The following EGLN3 variants were observed in gnomAD, a reference collection of about 807,000 sequenced individuals.
The protein encoded by EGLN3 is prolyl hydroxylase EGLN3.
EGLN3 carries 15 observed loss-of-function variants against 26.0 expected under a neutral mutation model. The observed-to-expected ratio is 0.58, with a 90% CI of 0.39 to 0.89. The LOEUF (loss-of-function observed/expected upper bound fraction) is 0.89, where lower values mean the gene tolerates loss of function less well. Ranked by LOEUF, EGLN3 falls within the 40% of genes least tolerant of loss-of-function variation. The pLI is 0.00. For synonymous variants in EGLN3, 147 were observed against 127.2 expected (o/e 1.16, Z -1.05); for missense variants, 238 against 311.6 (o/e 0.76, Z 1.78).
intron 1 of EGLN3, among the ~76,000 whole-genome samples, chr14:33,947,355 G>A (rs12435737): frequency 0.22 from 32,720 of 151,946 alleles, 3,730 homozygotes; most frequent in South Asian, 0.32. Flanking sequence ...CAACACCCTT[G>A]GATTTTTCTC....
chr14:33,924,834 G>T lies in EGLN3; in HGVS notation c.*1057C>A. ...AGCTGAAGAAAGACTGCTAGGGACA[G>T]ACGAGAACTCAAATAGCTTTGAGAT... On this transcript the variant is annotated 3_prime_UTR_variant, in exon 5 of 5. Transcript: ENST00000250457. 6.7e-6 allele frequency: 1 copy of T among 149,806 alleles called. No homozygotes were observed. The highest frequency in any genetic ancestry group is 2.0e-4 in the East Asian group (1 of 5,060). 9.3% of individuals were successfully genotyped at this position (149,806 alleles called of 1,614,324 possible).
At position 33,942,413 on chromosome 14, in the gene EGLN3, T is replaced by C. The variant is rs1479946897; in HGVS notation, c.357+7983A>G. 2.0e-5 allele frequency among the ~76,000 whole-genome samples: 3 copies of C among 152,184 alleles called. No individual in the cohort carries two copies. In the South Asian group the frequency reaches 6.2e-4, roughly 32 times the overall value. On this transcript the variant is annotated intron_variant, in intron 1 of 4. Coordinates refer to ENST00000250457, the MANE Select transcript of EGLN3 (RefSeq NM_022073.4). ...TGCATGTTCTTGCCTGAATCTTCAA[T>C]ATTTTGTGTTTAAAAGGGGTTTTGT...
At chr14:33,947,406 T>G (rs903321306) in intron 1 of EGLN3, among the ~76,000 whole-genome samples, 16 of 152,168 alleles carry the variant, frequency 1.1e-4, no homozygotes, top group African/African-American at 3.9e-4. Flanking sequence ...ATTAACAACT[T>G]TCTTGGCAGG....
At chr14:33,945,399 G>A (rs77066467) in intron 1 of EGLN3, among the ~76,000 whole-genome samples, 1 of 152,190 alleles carries the variant, frequency 6.6e-6, no homozygotes, top group African/African-American at 2.4e-5. Context: ...GCCTCCCACT[G>A]TGCCAGACTA....
intron 1 of EGLN3, chr14:33,931,447 G>C: frequency 1.9e-6 from 1 of 517,612 alleles, no homozygotes; most frequent in Non-Finnish European, 3.4e-6. Context: ...TATTCCCACA[G>C]TTCTAGAACA....
At chr14:33,944,888 G>T (rs906715704) in intron 1 of EGLN3, among the ~76,000 whole-genome samples, 4 of 152,140 alleles carry the variant, frequency 2.6e-5, no homozygotes, top group Admixed American at 6.5e-5. Context: ...AGCAGATAAG[G>T]TTATAGTGAA....
At position 33,950,939 on chromosome 14, in the gene EGLN3, C is replaced by T. The variant is rs1336412054; in HGVS notation, c.-187G>A. 5 of 625,164 alleles carry T rather than the reference C, an allele frequency of 8.0e-6. No homozygotes were observed. In the Admixed American group the frequency reaches 1.5e-4, roughly 18 times the overall value. 38.7% of individuals were successfully genotyped at this position (625,164 alleles called of 1,614,324 possible). On this transcript the variant is annotated 5_prime_UTR_variant, in exon 1 of 5. Coordinates refer to ENST00000250457, the MANE Select transcript of EGLN3 (RefSeq NM_022073.4). ...TCTCGCAACTCTCGGGAGAAGGGAT[C>T]TGCCTTCGGGAACCAGCGGGAGTGG...
chr14:33,946,684 T>C (rs1291611243), intron 1 of EGLN3, among the ~76,000 whole-genome samples: 2 of 152,170 alleles, frequency 1.3e-5, no homozygotes, highest in South Asian at 2.1e-4. Context: ...GTTACACAAA[T>C]CTAGGTTAGG....
intron 1 of EGLN3, among the ~76,000 whole-genome samples, chr14:33,941,070 T>C (rs1450979465): frequency 6.6e-6 from 1 of 152,114 alleles, no homozygotes; most frequent in Non-Finnish European, 1.5e-5. Context: ...AGACATACAG[T>C]ATTATTGTGC....
At chr14:33,939,201 C>A (rs1430220735) in intron 1 of EGLN3, among the ~76,000 whole-genome samples, 1 of 142,572 alleles carries the variant, frequency 7.0e-6, no homozygotes, top group South Asian at 2.2e-4. Context: ...TGCCTTGAAA[C>A]AATCATCTTT....
intron 1 of EGLN3, among the ~76,000 whole-genome samples, chr14:33,941,055 G>C (rs1315300937): frequency 2.0e-5 from 3 of 152,136 alleles, no homozygotes; most frequent in African/African-American, 7.2e-5. Context: ...TATAATCCTA[G>C]AAGTAGACAT....
At chr14:33,930,448 G>C (rs1303214690) in intron 2 of EGLN3, among the ~76,000 whole-genome samples, 2 of 152,190 alleles carry the variant, frequency 1.3e-5, no homozygotes, top group Admixed American at 6.5e-5. Flanking sequence ...AGCTTGAAAA[G>C]TTATCTGACT....
At chr14:33,937,497 C>T (rs1233996985) in intron 1 of EGLN3, among the ~76,000 whole-genome samples, 1 of 152,102 alleles carries the variant, frequency 6.6e-6, no homozygotes, top group Non-Finnish European at 1.5e-5. Flanking sequence ...TTTGGTGGGC[C>T]ATAACACAAG....
chr14:33,929,513 C>T (rs1269371127), intron 2 of EGLN3, among the ~76,000 whole-genome samples: 1 of 152,164 alleles, frequency 6.6e-6, no homozygotes, highest in African/African-American at 2.4e-5. Flanking sequence ...CCACCATGCC[C>T]AGTTAATTTT....
intron 3 of EGLN3, 34 bp downstream of exon 3, chr14:33,929,042 G>A (rs771009396): frequency 1.2e-6 from 2 of 1,609,330 alleles, no homozygotes; most frequent in South Asian, 1.1e-5. Context: ...TGTACACCAA[G>A]CTCCGGAAGA....
intron 3 of EGLN3, among the ~76,000 whole-genome samples, chr14:33,928,326 C>T (rs866300158): frequency 6.6e-6 from 1 of 152,186 alleles, no homozygotes; most frequent in Non-Finnish European, 1.5e-5. Flanking sequence ...TACCAAAATT[C>T]TCTCCTCCTG....
intron 1 of EGLN3, chr14:33,949,095 A>G (rs2064538035): frequency 6.6e-6 from 1 of 152,238 alleles, no homozygotes; most frequent in Admixed American, 6.5e-5. Context: ...AGTATCTTCT[A>G]AGATTTACTT....
At chr14:33,937,952 C>G (rs1000773460) in intron 1 of EGLN3, among the ~76,000 whole-genome samples, 8 of 152,308 alleles carry the variant, frequency 5.3e-5, no homozygotes, top group Middle Eastern at 3.4e-3. Context: ...GAGAATTTAC[C>G]ATTCTCACTT....
At position 33,950,765 on chromosome 14, in the gene EGLN3, A is replaced by T; in HGVS notation, c.-13T>A. 1 of 1,590,644 alleles carries T rather than the reference A, an allele frequency of 6.3e-7. No homozygotes were observed. The highest frequency in any genetic ancestry group is 1.1e-5 in the South Asian group (1 of 89,052). The stretch of plus-strand genomic sequence containing the variant: ...GTCCCAGGGGCATCTCGCCCGCAGA[A>T]TCGAGGTCCGGGATCCCCAGCGTGC... On this transcript the variant is annotated 5_prime_UTR_variant, in exon 1 of 5. Transcript: ENST00000250457.
Sources: gnomAD v4.1 joint callset for allele counts (sites outside exome capture counted in the v4.1 genomes callset) on GRCh38, gnomAD v4.1.1 for gene constraint, MANE v1.5 for transcripts, NCBI Gene and HGNC (gene_info 2026-07-23, HGNC 2026-07-21) for gene names.